Variants in SEMA3D observed in about 807,000 individuals in gnomAD.
The protein encoded by SEMA3D is semaphorin 3D.
A neutral mutation model predicts 100.1 loss-of-function variants in SEMA3D; 84 were observed. That is an observed-to-expected ratio of 0.84 (90% CI 0.70 to 1.01). SEMA3D has a LOEUF of 1.01. Ranked by LOEUF, SEMA3D falls within the 50% of genes least tolerant of loss-of-function variation. The probability of loss-of-function intolerance (pLI) is 0.00; values close to 1 mark genes in which losing one functional copy is unlikely to be tolerated. For synonymous variants in SEMA3D, 312 were observed against 320.7 expected, an observed-to-expected ratio of 0.97 and a Z score of 0.29; for missense variants, 875 against 934.1, an observed-to-expected ratio of 0.94 and a Z score of 0.82.
chr7:85,225,491 G>A, the SEMA3D span, among the ~76,000 whole-genome samples: 1 of 151,832 alleles, frequency 6.6e-6, no homozygotes, highest in Non-Finnish European at 1.5e-5. Flanking sequence ...GAGTGGCCTG[G>A]TGTGTGGGGC....
intron 4 of SEMA3D, among the ~76,000 whole-genome samples, chr7:85,082,153 C>G (rs1210778558): frequency 6.6e-6 from 1 of 152,116 alleles, no homozygotes; most frequent in Non-Finnish European, 1.5e-5. Context: ...CTTATTCTTC[C>G]CATTTTGAGA....
chr7:85,214,566 G>A, the SEMA3D span, among the ~76,000 whole-genome samples: 5 of 151,282 alleles, frequency 3.3e-5, no homozygotes, highest in African/African-American at 4.9e-5. Flanking sequence ...GTGTGATCTC[G>A]GCTTCCTGCA....
chr7:85,125,957 A>G (rs1270991613), intron 2 of SEMA3D, among the ~76,000 whole-genome samples: 1 of 152,088 alleles, frequency 6.6e-6, no homozygotes, highest in Admixed American at 6.6e-5. Flanking sequence ...AATTAACTGC[A>G]TATAATCTAT....
At chr7:85,130,176 C>A (rs1410489204) in intron 2 of SEMA3D, among the ~76,000 whole-genome samples, 1 of 152,074 alleles carries the variant, frequency 6.6e-6, no homozygotes, top group African/African-American at 2.4e-5. Flanking sequence ...AATTTAGGAA[C>A]CAAGTCTTCA....
intron 1 of SEMA3D, among the ~76,000 whole-genome samples, chr7:85,179,961 G>A (rs535714227): frequency 3.9e-4 from 59 of 152,112 alleles, no homozygotes; most frequent in Admixed American, 9.8e-4. Flanking sequence ...GCACCCAGCC[G>A]GACTTGGACT....
At chr7:85,119,613 T>C (rs761897023) in intron 3 of SEMA3D, among the ~76,000 whole-genome samples, 94 of 152,082 alleles carry the variant, frequency 6.2e-4, no homozygotes, top group Non-Finnish European at 1.5e-4. Context: ...TATCAGAGCA[T>C]GGAGGTAGGG....
At chr7:85,183,206 A>G (rs1310155993) in intron 1 of SEMA3D, among the ~76,000 whole-genome samples, 3 of 152,198 alleles carry the variant, frequency 2.0e-5, no homozygotes, top group Non-Finnish European at 4.4e-5. Flanking sequence ...TGAGACACAG[A>G]GATGCTTGCC....
At chr7:85,105,310 A>G (rs184367865) in intron 3 of SEMA3D, among the ~76,000 whole-genome samples, 1 of 152,134 alleles carries the variant, frequency 6.6e-6, no homozygotes, top group East Asian at 1.9e-4. Context: ...CAGAAATACT[A>G]CAGCTTTTTG....
upstream of SEMA3D, among the ~76,000 whole-genome samples, chr7:85,188,510 A>G (rs1205921066): frequency 6.6e-6 from 1 of 152,162 alleles, no homozygotes; most frequent in Non-Finnish European, 1.5e-5. Flanking sequence ...ATGTGTTTAT[A>G]TTATTTTCAT....
intron 1 of SEMA3D, among the ~76,000 whole-genome samples, chr7:85,181,359 CACAT>C (rs1359986971): frequency 1.1e-4 from 16 of 148,388 alleles, no homozygotes; most frequent in African/African-American, 3.9e-4. Flanking sequence ...CACACACACA[CACAT>C]GCACTGCTAG....
intron 3 of SEMA3D, among the ~76,000 whole-genome samples, chr7:85,110,728 T>A (rs1172895512): frequency 2.0e-5 from 3 of 152,112 alleles, no homozygotes. Context: ...TCTTCTAGAT[T>A]ATTTCAATTA....
At chr7:85,134,907 T>C (rs1377701766) in intron 2 of SEMA3D, among the ~76,000 whole-genome samples, 2 of 152,038 alleles carry the variant, frequency 1.3e-5, no homozygotes, top group Middle Eastern at 3.2e-3. Flanking sequence ...ATAGATGTTA[T>C]AAAGATTCAT....
intron 4 of SEMA3D, among the ~76,000 whole-genome samples, chr7:85,094,796 G>A (rs1025424370): frequency 4.6e-5 from 7 of 151,986 alleles, no homozygotes; most frequent in East Asian, 1.9e-4. Flanking sequence ...TTCCCTAGCC[G>A]AAGAGAGGCC....
At chr7:85,223,410 G>A in the SEMA3D span, among the ~76,000 whole-genome samples, 1 of 151,972 alleles carries the variant, frequency 6.6e-6, no homozygotes, top group Admixed American at 6.6e-5. Context: ...GTCATTACAT[G>A]AAAAACAGAC....
intron 2 of SEMA3D, among the ~76,000 whole-genome samples, chr7:85,129,392 A>G (rs1337034056): frequency 6.6e-6 from 1 of 152,054 alleles, no homozygotes; most frequent in Admixed American, 6.6e-5. Flanking sequence ...GTATATTTTA[A>G]TTTTCTAATT....
intron 3 of SEMA3D, among the ~76,000 whole-genome samples, chr7:85,120,557 A>G (rs959651162): frequency 2.0e-5 from 3 of 150,770 alleles, no homozygotes; most frequent in Admixed American, 6.6e-5. Flanking sequence ...AATCCCAGCT[A>G]CTCAGGAGGC....
intron 18 of SEMA3D, 52 bp downstream of exon 18, chr7:85,006,750 A>G: frequency 6.9e-7 from 1 of 1,449,708 alleles, no homozygotes; most frequent in Non-Finnish European, 9.3e-7. Context: ...AACATCTCTC[A>G]ATCGTACACT....
At chr7:85,228,702 T>A in the SEMA3D span, among the ~76,000 whole-genome samples, 6 of 152,092 alleles carry the variant, frequency 3.9e-5, no homozygotes, top group African/African-American at 1.4e-4. Flanking sequence ...CATCTGTTTT[T>A]CTTATTGTTT....
intron 4 of SEMA3D, among the ~76,000 whole-genome samples, chr7:85,093,379 T>TGAACAAAA (rs1788457962): frequency 6.6e-6 from 1 of 151,972 alleles, no homozygotes; most frequent in African/African-American, 2.4e-5. Context: ...GAGATATAAG[T>TGAACAAAA]GATGATCTAT....
Sources: gnomAD v4.1 joint callset for allele counts (sites outside exome capture counted in the v4.1 genomes callset) on GRCh38, gnomAD v4.1.1 for gene constraint, MANE v1.5 for transcripts, NCBI Gene and HGNC (gene_info 2026-07-23, HGNC 2026-07-21) for gene names.